Variants in CENPN observed in about 807,000 individuals in gnomAD.
CENPN encodes the protein centromere protein N.
Under a neutral mutation model 48.6 loss-of-function variants are expected in CENPN, and 36 were observed. The observed-to-expected ratio is 0.74, with a 90% CI of 0.57 to 0.98. CENPN has a LOEUF of 0.98. Among genes scored for constraint, CENPN ranks in the 50% least tolerant of loss-of-function variants. The pLI, the probability that CENPN is intolerant of heterozygous loss-of-function variation, is 0.00. For synonymous variants in CENPN, 166 were observed against 135.2 expected, an observed-to-expected ratio of 1.23 and a Z score of -1.58; for missense variants, 439 against 399.2, an observed-to-expected ratio of 1.10 and a Z score of -0.85.
At chr16:81,009,914 G>A (rs1969673120) in intron 1 of CENPN, among the ~76,000 whole-genome samples, 1 of 152,180 alleles carries the variant, frequency 6.6e-6, no homozygotes, top group African/African-American at 2.4e-5. Flanking sequence ...AATCATGTTT[G>A]CAGACCACGC....
At position 81,026,519 on chromosome 16, in the gene CENPN, C is replaced by A; in HGVS notation, c.698-7C>A. ...CGGCTGTTTTATTTGAAATCTTCCA[C>A]CCATAGTGGATTCAAGGATCATTCA... On this transcript the variant is annotated splice_region_variant and splice_polypyrimidine_tract_variant and intron_variant, in intron 8 of 10. Transcript: ENST00000305850. 1 of 1,419,686 alleles carries A rather than the reference C, an allele frequency of 7.0e-7. No homozygotes were observed. The highest frequency in any genetic ancestry group is 9.9e-7 in the Non-Finnish European group (1 of 1,011,058). 87.9% of individuals were successfully genotyped at this position (1,419,686 alleles called of 1,614,324 possible).
At position 81,026,618 on chromosome 16, in the gene CENPN, C is replaced by G. The variant is rs753450317; in HGVS notation, c.790C>G (p.Leu264Val). Reference protein sequence around the residue: ...ETFGDYPQPQLEFAQYKLETK... With the variant: ...ETFGDYPQPQVEFAQYKLETK... The stretch of plus-strand genomic sequence containing the variant: ...ATTTGGAGATTATCCTCAACCACAA[C>G]TAGAATTTGCACAATATAAGGTAAG... The change falls in exon 9 of 11, where the codon CTA becomes GTA. Residue 264 changes from leucine to valine, a missense_variant. Coordinates refer to ENST00000305850, the MANE Select transcript of CENPN (RefSeq NM_001100624.3). The G allele has an allele frequency of 1.9e-6, 3 of 1,580,816 alleles. No homozygotes were observed. The highest frequency in any genetic ancestry group is 2.7e-5 in the African/African-American group (2 of 74,278).
chr16:81,009,400 G>T (rs1159458214), intron 1 of CENPN, among the ~76,000 whole-genome samples: 1 of 152,160 alleles, frequency 6.6e-6, no homozygotes, highest in African/African-American at 2.4e-5. Flanking sequence ...TCCTTCTCTA[G>T]AGATTATTTA....
intron 2 of CENPN, among the ~76,000 whole-genome samples, chr16:81,012,559 T>C (rs78640134): frequency 0.036 from 5,523 of 152,298 alleles, 331 homozygotes; most frequent in African/African-American, 0.12. Flanking sequence ...AATTTTCTTA[T>C]TCCAATATAC....
chr16:81,022,475 A>T, intron 6 of CENPN, 122 bp from the exon 7 acceptor site: 1 of 799,148 alleles, frequency 1.3e-6, no homozygotes, highest in Non-Finnish European at 2.0e-6. Flanking sequence ...GTTTTTCTAG[A>T]CTTCTTTTTA....
At chr16:81,027,351 G>C (rs1311572274) in intron 9 of CENPN, among the ~76,000 whole-genome samples, 1 of 152,106 alleles carries the variant, frequency 6.6e-6, no homozygotes, top group Non-Finnish European at 1.5e-5. Context: ...TACAAGGTGT[G>C]GTGGCATGTG....
intron 2 of CENPN, 139 bp downstream of exon 2, chr16:81,012,249 G>A: frequency 3.6e-6 from 2 of 561,312 alleles, no homozygotes; most frequent in Non-Finnish European, 5.6e-6. Context: ...TACAACTGCA[G>A]TGGAAAAAAA....
intron 1 of CENPN, among the ~76,000 whole-genome samples, chr16:81,008,146 G>A (rs1308963244): frequency 6.6e-6 from 1 of 152,064 alleles, no homozygotes; most frequent in Non-Finnish European, 1.5e-5. Flanking sequence ...ATGGTCACGG[G>A]GTAAACGTTT....
chr16:81,029,558 C>G lies in CENPN; in HGVS notation c.*907C>G, dbSNP rs1970672274. ...GGGATTACAGACGCGCTCCATCCTG[C>G]CCAGCTAATTTTTTTTTTGTTTGTT... On this transcript the variant is annotated 3_prime_UTR_variant, in exon 11 of 11. Coordinates refer to ENST00000305850, the MANE Select transcript of CENPN (RefSeq NM_001100624.3). 7.0e-6 allele frequency: 1 copy of G among 141,888 alleles called. No homozygotes were observed. Among genetic ancestry groups the G allele is most frequent in the Non-Finnish European group, 1.5e-5 (1 of 65,740 alleles). The allele number at this position is 141,888 out of a possible 1,614,324, so 8.8% of individuals were successfully genotyped here.
chr16:81,030,107 C>T lies in CENPN; in HGVS notation c.*1456C>T, dbSNP rs114422383. 1.3e-3 allele frequency: 843 copies of T among 654,380 alleles called. 12 individuals are homozygous for T. The African/African-American group carries it at 0.016, about 12-fold the overall frequency. The allele number at this position is 654,380 out of a possible 1,614,324, so 40.5% of individuals were successfully genotyped here. A position where few individuals can be genotyped will look rare whatever the true frequency, so the allele number is the denominator to read the frequency against. The stretch of plus-strand genomic sequence containing the variant: ...ACCATGAGAATAGTATGGGGGAAAT[C>T]GTTCCCATGACTCAAGTATCTCCAC... On this transcript the variant is annotated 3_prime_UTR_variant, in exon 11 of 11. Transcript: ENST00000305850.
At position 81,029,200 on chromosome 16, in the gene CENPN, T is replaced by C. The variant is rs1970655960; in HGVS notation, c.*549T>C. 4 of 952,022 alleles carry C rather than the reference T, an allele frequency of 4.2e-6. No homozygotes were observed. Among genetic ancestry groups the C allele is most frequent in the Non-Finnish European group, 5.0e-6 (4 of 799,522 alleles). 59.0% of individuals were successfully genotyped at this position (952,022 alleles called of 1,614,324 possible). Reference sequence around the variant, plus strand: ...TTGCATATTTGGTGAGTCAGTTATATAAAATAGTGTTCTTATTGTAAATAT... The same window carrying C: ...TTGCATATTTGGTGAGTCAGTTATACAAAATAGTGTTCTTATTGTAAATAT... On this transcript the variant is annotated 3_prime_UTR_variant, in exon 11 of 11. Coordinates refer to ENST00000305850, the MANE Select transcript of CENPN (RefSeq NM_001100624.3).
intron 5 of CENPN, among the ~76,000 whole-genome samples, chr16:81,019,333 C>A (rs1230198676): frequency 2.0e-5 from 3 of 151,944 alleles, no homozygotes; most frequent in African/African-American, 7.2e-5. Context: ...CCTCCCACCT[C>A]AGCCTCTTGA....
At chr16:81,026,089 G>GTGTGTGTGTA (rs750276928) in intron 8 of CENPN, among the ~76,000 whole-genome samples, 6 of 137,606 alleles carry the variant, frequency 4.4e-5, no homozygotes, top group African/African-American at 1.7e-4. Context: ...GTGTGTGTGT[G>GTGTGTGTGTA]TATATATATG....
At chr16:81,024,080 CA>C (rs1054725398) in intron 7 of CENPN, 83 of 142,292 alleles carry the variant, frequency 5.8e-4, no homozygotes, top group Non-Finnish European at 3.2e-4. Flanking sequence ...GACTCTGTCT[CA>C]AAAAAAAAAG....
intron 1 of CENPN, among the ~76,000 whole-genome samples, chr16:81,009,316 G>C (rs893042527): frequency 6.6e-6 from 1 of 152,212 alleles, no homozygotes; most frequent in Admixed American, 6.5e-5. Context: ...GCTAACACCA[G>C]AATTGCAAGA....
Position 81,020,254 on chromosome 16 carries a change from G to C in CENPN, c.509G>C (p.Arg170Pro). The change falls in exon 6 of 11, where the codon CGC (arginine) becomes CCC (proline). Residue 170 changes from arginine to proline, a missense_variant. Coordinates refer to ENST00000305850, the MANE Select transcript of CENPN (RefSeq NM_001100624.3). ...TTCACGTCCTCCTCCATGCTGAGGC[G>C]CAATACACCGCTTCTGGGTCAGGTA... ...YAFTSSSMLR[R>P]NTPLLGQALT... The C allele has an allele frequency of 6.2e-7, 1 of 1,609,898 alleles. No individual in the cohort carries two copies. Among genetic ancestry groups the C allele is most frequent in the Non-Finnish European group, 8.5e-7 (1 of 1,178,888 alleles).
At chr16:81,007,748 G>A (rs1251290396) in intron 1 of CENPN, among the ~76,000 whole-genome samples, 3 of 152,042 alleles carry the variant, frequency 2.0e-5, no homozygotes, top group Non-Finnish European at 4.4e-5. Flanking sequence ...TTTTGATCAT[G>A]CGTTCCACAG....
At chr16:81,013,377 C>T (rs975689018) in intron 2 of CENPN, among the ~76,000 whole-genome samples, 1 of 152,092 alleles carries the variant, frequency 6.6e-6, no homozygotes, top group Non-Finnish European at 1.5e-5. Flanking sequence ...AGGACTAAGG[C>T]TTGGGAGGTA....
Position 81,029,361 on chromosome 16 carries a change from C to T in CENPN, c.*710C>T. The T allele has an allele frequency of 1.1e-6, 1 of 929,690 alleles. No homozygotes were observed. Among genetic ancestry groups the T allele is most frequent in the Non-Finnish European group, 1.3e-6 (1 of 779,440 alleles). 57.6% of individuals were successfully genotyped at this position (929,690 alleles called of 1,614,324 possible). Reference sequence around the variant, plus strand: ...GTACTTCAGTGATCATCACTAAATACCCTATCTTTTTAAAAATTTTTTCCT... The same window carrying T: ...GTACTTCAGTGATCATCACTAAATATCCTATCTTTTTAAAAATTTTTTCCT... On this transcript the variant is annotated 3_prime_UTR_variant, in exon 11 of 11. Coordinates refer to ENST00000305850, the MANE Select transcript of CENPN (RefSeq NM_001100624.3).
Sources: allele counts gnomAD v4.1 joint callset (sites outside exome capture counted in the v4.1 genomes callset), GRCh38; gene constraint gnomAD v4.1.1; transcripts MANE v1.5; gene names NCBI Gene and HGNC (gene_info 2026-07-23, HGNC 2026-07-21).